The following ZFC3H1 variants were observed in gnomAD, a reference collection of about 807,000 sequenced individuals.
ZFC3H1 encodes the protein zinc finger C3H1 domain-containing protein.
ZFC3H1 carries 71 observed loss-of-function variants against 243.7 expected under a neutral mutation model. The observed-to-expected ratio is 0.29, with a 90% CI of 0.24 to 0.36. The LOEUF (loss-of-function observed/expected upper bound fraction) is 0.36. ZFC3H1 is among the 10% of genes least tolerant of loss of function. The pLI, the probability that ZFC3H1 is intolerant of heterozygous loss-of-function variation, is 1.00. For synonymous variants in ZFC3H1, 838 were observed against 813.0 expected (o/e 1.03, Z -0.52); for missense variants, 1,966 against 2,317.1 (o/e 0.85, Z 3.11).
In ZFC3H1 at chr12:71,619,401, G is replaced by A. The variant is rs375406151; in HGVS notation, c.5058C>T (p.Gly1686=). The part of the protein sequence containing the change: ...MCKFFILQNR[G]DNLLPFLRKF... ...TCCGCAAAAATGGAAGAAGATTATC[G>A]CCTCGATTCTATTTTAAAAAGAGGG... The change falls in exon 27 of 35, where the codon GGC becomes GGT. Residue 1686 remains glycine, a synonymous_variant. Transcript: ENST00000378743. 1.4e-5 allele frequency: 22 copies of A among 1,612,998 alleles called. No homozygotes were observed. Among genetic ancestry groups the A allele is most frequent in the South Asian group, 1.1e-4 (10 of 91,040 alleles).
Position 71,629,052 on chromosome 12 carries a change from A to G in ZFC3H1, c.3827-15T>C. The G allele has an allele frequency of 6.3e-7, 1 of 1,580,600 alleles. No homozygotes were observed. The highest frequency in any genetic ancestry group is 8.6e-7 in the Non-Finnish European group (1 of 1,169,266). On this transcript the variant is annotated splice_polypyrimidine_tract_variant and intron_variant, in intron 19 of 34. Coordinates refer to ENST00000378743, the MANE Select transcript of ZFC3H1 (RefSeq NM_144982.5). Reference sequence around the variant, plus strand: ...AAATGGAGGAGCTAAAGTAGATAGGAGAAGATTGTTAATTGATATAACTAG... The same window carrying G: ...AAATGGAGGAGCTAAAGTAGATAGGGGAAGATTGTTAATTGATATAACTAG...
intron 27 of ZFC3H1, among the ~76,000 whole-genome samples, chr12:71,616,258 T>C (rs944558942): frequency 2.0e-5 from 3 of 152,146 alleles, no homozygotes; most frequent in East Asian, 1.9e-4. Flanking sequence ...GATCACACCA[T>C]TGTGCTCCAG....
chr12:71,663,317 G>A lies in ZFC3H1; in HGVS notation c.294C>T (p.Leu98=), dbSNP rs761016701. Reference sequence around the variant, plus strand: ...TGGGTCGGTAGCTGCTGGGTCCCCTGAGGTGGCCCCGCTCAGACGCGTGCC... The same window carrying A: ...TGGGTCGGTAGCTGCTGGGTCCCCTAAGGTGGCCCCGCTCAGACGCGTGCC... The part of the protein sequence containing the change: ...RSRHASERGH[L]RGPSSYRPKE... The change falls in exon 1 of 35, where the codon CTC becomes CTT. Residue 98 remains leucine (L), a synonymous_variant. Coordinates refer to ENST00000378743, the MANE Select transcript of ZFC3H1 (RefSeq NM_144982.5). 7.4e-6 allele frequency: 12 copies of A among 1,613,268 alleles called. No homozygotes were observed. Among genetic ancestry groups the A allele is most frequent in the Non-Finnish European group, 3.4e-6 (4 of 1,180,048 alleles).
chr12:71,629,746 T>A, intron 18 of ZFC3H1, 36 bp from the exon 19 acceptor site: 1 of 1,280,028 alleles, frequency 7.8e-7, no homozygotes, highest in Non-Finnish European at 1.1e-6. Flanking sequence ...ATGATAAATA[T>A]CAATTACAGA....
chr12:71,615,461 C>T, intron 27 of ZFC3H1, 145 bp from the exon 28 acceptor site: 1 of 619,844 alleles, frequency 1.6e-6, no homozygotes, highest in South Asian at 2.0e-5. Context: ...CATAGGTATA[C>T]CATACCTCTT....
chr12:71,615,438 G>A (rs1312211972), intron 27 of ZFC3H1, 122 bp from the exon 28 acceptor site: 32 of 681,420 alleles, frequency 4.7e-5, no homozygotes, highest in Non-Finnish European at 7.2e-5. Context: ...AGAAAGCAAT[G>A]AGACTTTCTT....
At chr12:71,662,032 A>C (rs1881191657) in intron 1 of ZFC3H1, among the ~76,000 whole-genome samples, 1 of 152,252 alleles carries the variant, frequency 6.6e-6, no homozygotes, top group Non-Finnish European at 1.5e-5. Flanking sequence ...GAAATTAAAA[A>C]TCATCACACT....
chr12:71,629,527 TAA>T, intron 19 of ZFC3H1, 80 bp downstream of exon 19: 1 of 933,750 alleles, frequency 1.1e-6, no homozygotes, highest in South Asian at 1.5e-5. Flanking sequence ...ATACAGAAAC[TAA>T]AAAGTCCTTT....
At chr12:71,618,220 G>A (rs1231116789) in intron 27 of ZFC3H1, among the ~76,000 whole-genome samples, 1 of 150,850 alleles carries the variant, frequency 6.6e-6, no homozygotes, top group Non-Finnish European at 1.5e-5. Context: ...AGGTGAGATC[G>A]CACCACTGCA....
chr12:71,640,522 T>A (rs1167177590), intron 6 of ZFC3H1, among the ~76,000 whole-genome samples: 1 of 152,204 alleles, frequency 6.6e-6, no homozygotes. Context: ...GGACCACCAG[T>A]GGTGCTCAAG....
chr12:71,643,825 A>G (rs1880660150), intron 5 of ZFC3H1, among the ~76,000 whole-genome samples: 1 of 152,238 alleles, frequency 6.6e-6, no homozygotes, highest in African/African-American at 2.4e-5. Context: ...CATTTTCAGA[A>G]TAAGTTTTCA....
chr12:71,636,661 A>T lies in ZFC3H1; in HGVS notation c.1936-7T>A. ...CACTATTACTGGATGTTTCCTACAT[A>T]AGGAAGAGAAAGACATTAAACATTC... On this transcript the variant is annotated splice_polypyrimidine_tract_variant and splice_region_variant and intron_variant, in intron 8 of 34. Coordinates refer to ENST00000378743, the MANE Select transcript of ZFC3H1 (RefSeq NM_144982.5). 6.3e-7 allele frequency: 1 copy of T among 1,594,334 alleles called. No homozygotes were observed. The highest frequency in any genetic ancestry group is 8.5e-7 in the Non-Finnish European group (1 of 1,174,972).
At chr12:71,662,897 C>T (rs563132880) in intron 1 of ZFC3H1, 116 bp downstream of exon 1, 1 of 1,042,252 alleles carries the variant, frequency 9.6e-7, no homozygotes, top group African/African-American at 1.6e-5. Flanking sequence ...TATACTGACA[C>T]AGGGAGAAAT....
At chr12:71,630,251 A>C (rs1880288821) in intron 18 of ZFC3H1, among the ~76,000 whole-genome samples, 1 of 152,180 alleles carries the variant, frequency 6.6e-6, no homozygotes, top group African/African-American at 2.4e-5. Context: ...ATCAATAGTA[A>C]AGTTTCTATA....
In ZFC3H1 at chr12:71,636,951, G is replaced by T. The variant is rs1880477835; in HGVS notation, c.1834C>A (p.Pro612Thr). The part of the protein sequence containing the change: ...PPLPPEDPEQ[P>T]PKPPFADEEE... ...TCATCTGCAAAAGGTGGTTTTGGAG[G>T]CTGTTCTGGATCTTCAGGTGGGAGA... Residue 612 changes from proline (P) to threonine (T), a missense_variant, in exon 8 of 35, where the codon CCT (proline) becomes ACT (threonine). This residue lies in a region of ZFC3H1 where 1,383 missense variants were observed against 1,723.7 expected (regional missense o/e 0.80). Coordinates refer to ENST00000378743, the MANE Select transcript of ZFC3H1 (RefSeq NM_144982.5). 3 of 1,613,896 alleles carry T rather than the reference G, an allele frequency of 1.9e-6. No individual in the cohort carries two copies. The highest frequency in any genetic ancestry group is 2.5e-6 in the Non-Finnish European group (3 of 1,179,960).
chr12:71,626,315 T>A lies in ZFC3H1; in HGVS notation c.4262A>T (p.Gln1421Leu). ...TTCAACAGCTGTTTCACACATTTCC[T>A]GCACCTCGTCCTTGGTTCCTCTTTT... ...FSKRGTKDEV[Q>L]EMCETAVEYA... Residue 1421 changes from glutamine (Q) to leucine (L), a missense_variant, in exon 22 of 35, where the codon CAG becomes CTG. This residue lies in a region of ZFC3H1 where 1,383 missense variants were observed against 1,723.7 expected (regional missense o/e 0.80). Transcript: ENST00000378743. 1 of 1,614,050 alleles carries A rather than the reference T, an allele frequency of 6.2e-7. No homozygotes were observed. The highest frequency in any genetic ancestry group is 8.5e-7 in the Non-Finnish European group (1 of 1,180,000).
chr12:71,611,183 G>T, intron 32 of ZFC3H1, 86 bp from the exon 33 acceptor site: 9 of 1,309,478 alleles, frequency 6.9e-6, no homozygotes, highest in Non-Finnish European at 9.1e-6. Flanking sequence ...ACCACCACTG[G>T]CAGAATACTG....
intron 2 of ZFC3H1, among the ~76,000 whole-genome samples, chr12:71,648,760 A>C (rs1880794549): frequency 6.6e-6 from 1 of 152,324 alleles, no homozygotes; most frequent in African/African-American, 2.4e-5. Context: ...TAGTCTATAA[A>C]TGTGAATTTG....
intron 31 of ZFC3H1, 137 bp from the exon 32 acceptor site, chr12:71,612,024 T>A (rs1879786543): frequency 1.9e-6 from 1 of 516,732 alleles, no homozygotes; most frequent in South Asian, 2.4e-5. Context: ...TATTTTAGAA[T>A]GCCTCTTACA....
Sources: allele counts gnomAD v4.1 joint callset (sites outside exome capture counted in the v4.1 genomes callset), GRCh38; gene constraint gnomAD v4.1.1; regional missense constraint gnomAD v4.1.1; transcripts MANE v1.5; gene names NCBI Gene and HGNC (gene_info 2026-07-23, HGNC 2026-07-21).